EPHA6: variants seen among roughly 807,000 people sequenced by gnomAD.
EPHA6 encodes EPH receptor A6, also known as ephrin type-A receptor 6.
In EPHA6, 50 loss-of-function variants were observed where a neutral mutation model predicts 112.0. That is an observed-to-expected ratio of 0.45 (90% confidence interval 0.36 to 0.56). The LOEUF (loss-of-function observed/expected upper bound fraction) is 0.56. Ranked by LOEUF, EPHA6 falls within the 20% of genes least tolerant of loss-of-function variation. EPHA6 has a pLI of 0.00. For missense variants in EPHA6, 1,280 were observed against 1,417.4 expected, an observed-to-expected ratio of 0.90 and a Z score of 1.56; for synonymous variants, 529 against 490.7, an observed-to-expected ratio of 1.08 and a Z score of -1.03.
chr3:97,520,636 A>G (rs1339879733), intron 10 of EPHA6, among the ~76,000 whole-genome samples: 1 of 152,088 alleles, frequency 6.6e-6, no homozygotes, highest in Non-Finnish European at 1.5e-5. Flanking sequence ...TGTTTTCAGA[A>G]TTTCTTCTTT....
At chr3:96,888,513 C>A (rs756738511) in intron 2 of EPHA6, among the ~76,000 whole-genome samples, 3 of 152,176 alleles carry the variant, frequency 2.0e-5, no homozygotes, top group African/African-American at 2.4e-5. Flanking sequence ...CTTCTGTGCA[C>A]TGGCAGGCTC....
chr3:97,281,449 A>AT (rs2080284221), intron 5 of EPHA6, among the ~76,000 whole-genome samples: 1 of 152,004 alleles, frequency 6.6e-6, no homozygotes, highest in South Asian at 2.1e-4. Flanking sequence ...AAATTTAGAT[A>AT]TTTTTCATAC....
chr3:97,367,250 TTTTTTTATGTGAACCCA>T (rs2084786956), intron 5 of EPHA6, among the ~76,000 whole-genome samples: 1 of 152,174 alleles, frequency 6.6e-6, no homozygotes, highest in African/African-American at 2.4e-5. Flanking sequence ...TACTTTTTCC[TTTTTTTATGTGAACCCA>T]TTTTTAAAGT....
intron 6 of EPHA6, among the ~76,000 whole-genome samples, chr3:97,422,346 A>C (rs2088731804): frequency 6.6e-6 from 1 of 152,152 alleles, no homozygotes; most frequent in African/African-American, 2.4e-5. Context: ...CAACCTAGGT[A>C]AGAAAATACA....
chr3:97,551,411 T>C (rs1310933273), intron 11 of EPHA6, among the ~76,000 whole-genome samples: 2 of 152,160 alleles, frequency 1.3e-5, no homozygotes, highest in Non-Finnish European at 2.9e-5. Flanking sequence ...TCACTGTTGG[T>C]ATATTTATTC....
intron 2 of EPHA6, among the ~76,000 whole-genome samples, chr3:96,979,034 C>T (rs1200086674): frequency 6.6e-6 from 1 of 152,142 alleles, no homozygotes; most frequent in Non-Finnish European, 1.5e-5. Flanking sequence ...GATGAAGATA[C>T]TAAAACAGAA....
chr3:96,900,729 A>G (rs768716423), intron 2 of EPHA6, among the ~76,000 whole-genome samples: 8 of 152,248 alleles, frequency 5.3e-5, no homozygotes, highest in Non-Finnish European at 1.2e-4. Context: ...GCATGTGCCA[A>G]TGCGATTAAG....
At chr3:96,969,363 C>T (rs373409539) in intron 2 of EPHA6, among the ~76,000 whole-genome samples, 9 of 151,964 alleles carry the variant, frequency 5.9e-5, no homozygotes, top group Admixed American at 2.0e-4. Flanking sequence ...TCATTTGAAG[C>T]CATTGGAATG....
At chr3:97,523,905 C>T (rs947148534) in intron 10 of EPHA6, among the ~76,000 whole-genome samples, 2 of 151,970 alleles carry the variant, frequency 1.3e-5, no homozygotes, top group South Asian at 2.1e-4. Context: ...TAATCTAATA[C>T]AAGCATAATC....
At chr3:97,671,292 C>A in intron 14 of EPHA6, among the ~76,000 whole-genome samples, 1 of 152,126 alleles carries the variant, frequency 6.6e-6, no homozygotes, top group East Asian at 1.9e-4. Context: ...TCCTCTCTCT[C>A]TCTTAATTCT....
At chr3:97,025,650 G>A (rs375589838) in intron 3 of EPHA6, among the ~76,000 whole-genome samples, 153 of 152,088 alleles carry the variant, frequency 1.0e-3, no homozygotes, top group African/African-American at 3.6e-3. Flanking sequence ...GTGCAGTGGC[G>A]CGATCTCCGC....
chr3:97,739,786 A>C (rs2035423732), intron 16 of EPHA6, among the ~76,000 whole-genome samples: 1 of 152,154 alleles, frequency 6.6e-6, no homozygotes, highest in African/African-American at 2.4e-5. Flanking sequence ...CCCTAAATCC[A>C]ACTAACAGTA....
intron 6 of EPHA6, among the ~76,000 whole-genome samples, chr3:97,431,080 T>C (rs2089472438): frequency 6.6e-6 from 1 of 152,140 alleles, no homozygotes; most frequent in Non-Finnish European, 1.5e-5. Context: ...TTCTAATATT[T>C]GAAAAGTTGG....
At chr3:97,005,651 A>G (rs1319755277) in intron 3 of EPHA6, among the ~76,000 whole-genome samples, 1 of 152,032 alleles carries the variant, frequency 6.6e-6, no homozygotes, top group Non-Finnish European at 1.5e-5. Context: ...TTCCAATACT[A>G]TGTTGAATAG....
chr3:97,104,525 T>A (rs911165727), intron 3 of EPHA6, among the ~76,000 whole-genome samples: 1 of 152,158 alleles, frequency 6.6e-6, no homozygotes, highest in Non-Finnish European at 1.5e-5. Context: ...AGCTTTTTGA[T>A]GTGCTACTGG....
chr3:96,926,344 A>T (rs1576056814), intron 2 of EPHA6, among the ~76,000 whole-genome samples: 1 of 152,248 alleles, frequency 6.6e-6, no homozygotes, highest in East Asian at 1.9e-4. Context: ...AATTAGAGAT[A>T]TATTTGGGTG....
At chr3:97,644,814 A>ATCCAATCT (rs1560224687) in intron 14 of EPHA6, among the ~76,000 whole-genome samples, 3 of 152,038 alleles carry the variant, frequency 2.0e-5, no homozygotes. Flanking sequence ...CCAACCAAAA[A>ATCCAATCT]GAGTCCAGGA....
rs1415086300 is a variant in EPHA6, at chr3:97,752,696, C to T, written c.*3995C>T. On this transcript the variant is annotated 3_prime_UTR_variant, in exon 18 of 18. Transcript: ENST00000389672. ...ACAGAGGATATGGGTTCTGGCTTTT[C>T]CTTAACTTGAAATCAAGTTTTTGGA... Among the ~76,000 whole-genome samples the T allele has an allele frequency of 6.6e-6, 1 of 151,954 alleles. No individual in the cohort carries two copies. Among genetic ancestry groups the T allele is most frequent in the Non-Finnish European group, 1.5e-5 (1 of 67,934 alleles).
chr3:96,908,268 G>A (rs189950264), intron 2 of EPHA6, among the ~76,000 whole-genome samples: 13 of 152,042 alleles, frequency 8.6e-5, no homozygotes, highest in Admixed American at 3.9e-4. Flanking sequence ...CTGCAATTTC[G>A]TTCCAAGGTC....
Sources: gnomAD v4.1 joint callset for allele counts (sites outside exome capture counted in the v4.1 genomes callset) on GRCh38, gnomAD v4.1.1 for gene constraint, MANE v1.5 for transcripts, NCBI Gene and HGNC (gene_info 2026-07-23, HGNC 2026-07-21) for gene names.